ANKRD30BL: variants seen among roughly 807,000 people sequenced by gnomAD.
ANKRD30BL encodes putative ankyrin repeat domain-containing protein 30B-like.
In ANKRD30BL, 20 loss-of-function variants were observed where a neutral mutation model predicts 18.4. The observed-to-expected ratio is 1.09, with a 90% CI of 0.77 to 1.58. The LOEUF (loss-of-function observed/expected upper bound fraction) is 1.58, where lower values mean the gene tolerates loss of function less well. ANKRD30BL is among the 40% of genes most tolerant of loss of function. The pLI is 0.00. For synonymous variants in ANKRD30BL, 72 were observed against 100.9 expected (o/e 0.71, Z 1.72); for missense variants, 224 against 268.6 (o/e 0.83, Z 1.16).
chr2:132,171,071 G>A (rs1688271022), intron 1 of ANKRD30BL, among the ~76,000 whole-genome samples: 1 of 151,056 alleles, frequency 6.6e-6, no homozygotes, highest in Admixed American at 6.6e-5. Context: ...CAGGAGAATG[G>A]CGTGAACCCG....
At chr2:132,205,586 A>T (rs199720967) in intron 1 of ANKRD30BL, among the ~76,000 whole-genome samples, 3 of 109,156 alleles carry the variant, frequency 2.7e-5, no homozygotes, top group African/African-American at 1.0e-4. Flanking sequence ...GGGTGAAAAG[A>T]GGGAAACTTC....
At chr2:132,194,387 G>C (rs1678923130) in intron 1 of ANKRD30BL, among the ~76,000 whole-genome samples, 1 of 152,204 alleles carries the variant, frequency 6.6e-6, no homozygotes, top group African/African-American at 2.4e-5. Context: ...GCATAAGTCA[G>C]CGACAGCCTG....
intron 1 of ANKRD30BL, among the ~76,000 whole-genome samples, chr2:132,177,329 T>G (rs1421980982): frequency 6.6e-6 from 1 of 152,078 alleles, no homozygotes; most frequent in Non-Finnish European, 1.5e-5. Flanking sequence ...AATTTTTGTA[T>G]TTTTAGTAGA....
At chr2:132,219,487 C>T (rs1258014561) in intron 1 of ANKRD30BL, among the ~76,000 whole-genome samples, 3 of 151,034 alleles carry the variant, frequency 2.0e-5, no homozygotes, top group Non-Finnish European at 4.4e-5. Context: ...GAAATATCTT[C>T]CAATAAAAAC....
chr2:132,216,549 C>T (rs1246120877), intron 1 of ANKRD30BL, among the ~76,000 whole-genome samples: 1 of 151,772 alleles, frequency 6.6e-6, no homozygotes, highest in East Asian at 2.0e-4. Flanking sequence ...TATACAGAAG[C>T]ATTCTGAGAA....
intron 1 of ANKRD30BL, among the ~76,000 whole-genome samples, chr2:132,204,804 T>C (rs1375610761): frequency 6.6e-6 from 1 of 152,160 alleles, no homozygotes; most frequent in East Asian, 1.9e-4. Flanking sequence ...TTAAAAGAAA[T>C]AGATTTATTT....
intron 1 of ANKRD30BL, among the ~76,000 whole-genome samples, chr2:132,193,122 C>T (rs545047974): frequency 9.2e-5 from 14 of 152,262 alleles, no homozygotes; most frequent in South Asian, 4.1e-4. Flanking sequence ...ACCAATCAGA[C>T]AAAATGACAT....
intron 1 of ANKRD30BL, among the ~76,000 whole-genome samples, chr2:132,200,689 G>T (rs1340919696): frequency 6.6e-6 from 1 of 152,144 alleles, no homozygotes; most frequent in Non-Finnish European, 1.5e-5. Context: ...TGGGTAGGAA[G>T]AATCAATATC....
intron 1 of ANKRD30BL, among the ~76,000 whole-genome samples, chr2:132,193,777 G>T (rs1205070355): frequency 2.6e-5 from 4 of 151,382 alleles, no homozygotes; most frequent in Non-Finnish European, 5.9e-5. Context: ...ACAAGAGGTA[G>T]AAACAGGAAT....
At chr2:132,182,053 G>A (rs552608105) in intron 1 of ANKRD30BL, among the ~76,000 whole-genome samples, 1 of 151,990 alleles carries the variant, frequency 6.6e-6, no homozygotes, top group Non-Finnish European at 1.5e-5. Context: ...GGAGGAGGTT[G>A]CTGTGAGCTG....
chr2:132,189,018 G>A (rs1027154418), intron 1 of ANKRD30BL, among the ~76,000 whole-genome samples: 17 of 151,970 alleles, frequency 1.1e-4, no homozygotes, highest in Middle Eastern at 3.2e-3. Context: ...GGGCCACATC[G>A]AACCCAGTCA....
At chr2:132,220,365 C>T (rs1419128265) in intron 1 of ANKRD30BL, among the ~76,000 whole-genome samples, 2 of 135,968 alleles carry the variant, frequency 1.5e-5, no homozygotes, top group Non-Finnish European at 3.1e-5. Context: ...TCTCCCTCTC[C>T]CTCTCCCTCT....
intron 4 of ANKRD30BL, among the ~76,000 whole-genome samples, chr2:132,153,332 G>T (rs1490476106): frequency 6.6e-6 from 1 of 152,150 alleles, no homozygotes; most frequent in Non-Finnish European, 1.5e-5. Flanking sequence ...AACCAAAATT[G>T]TGACATTATA....
chr2:132,165,109 A>G (rs1688162162), upstream of ANKRD30BL, among the ~76,000 whole-genome samples: 1 of 152,132 alleles, frequency 6.6e-6, no homozygotes, highest in African/African-American at 2.4e-5. Flanking sequence ...GCAAATGCAT[A>G]CTATCGTGAT....
chr2:132,153,102 C>A (rs1687802725), intron 4 of ANKRD30BL, among the ~76,000 whole-genome samples: 1 of 152,112 alleles, frequency 6.6e-6, no homozygotes, highest in African/African-American at 2.4e-5. Flanking sequence ...GGCAACGATG[C>A]AGCAATAGAA....
chr2:132,254,433 G>T (rs559707477), intron 1 of ANKRD30BL, among the ~76,000 whole-genome samples: 1 of 152,234 alleles, frequency 6.6e-6, no homozygotes, highest in African/African-American at 2.4e-5. Flanking sequence ...TCTTCTCAGC[G>T]TTCCGCCAGG....
In ANKRD30BL at chr2:132,225,218, G is replaced by A. The variant is rs538664493; in HGVS notation, n.441+32311C>T. The stretch of plus-strand genomic sequence containing the variant: ...GTTCTGTGTGCATTCAGCTCACAGA[G>A]TTGATCCTTTCTTTTGATAGAGCAG... On this transcript the variant is annotated intron_variant and non_coding_transcript_variant, in intron 1 of 4. Transcript: ENST00000470729. 2.2e-3 allele frequency among the ~76,000 whole-genome samples: 327 copies of A among 152,024 alleles called. 1 individual carries two copies. The highest frequency in any genetic ancestry group is 7.5e-3 in the African/African-American group (309 of 41,474).
intron 1 of ANKRD30BL, among the ~76,000 whole-genome samples, chr2:132,231,620 G>A (rs535043258): frequency 1.8e-4 from 28 of 152,272 alleles, no homozygotes; most frequent in Middle Eastern, 3.4e-3. Context: ...CGAATATAGC[G>A]CTTTTCGGAC....
chr2:132,222,829 C>CAAGAAAAAAAAAAAA (rs1558942311), intron 1 of ANKRD30BL, among the ~76,000 whole-genome samples: 1 of 4,102 alleles, frequency 2.4e-4, no homozygotes, highest in Non-Finnish European at 7.7e-4. Context: ...CAAGAATGAT[C>CAAGAAAAAAAAAAAA]AATAAAAAAA....
Sources: gnomAD v4.1 joint callset for allele counts (sites outside exome capture counted in the v4.1 genomes callset) on GRCh38, gnomAD v4.1.1 for gene constraint, MANE v1.5 for transcripts, NCBI Gene and HGNC (gene_info 2026-07-23, HGNC 2026-07-21) for gene names.